Variants in PXMP2 observed in about 807,000 individuals in gnomAD.
PXMP2 encodes the protein peroxisomal membrane protein 2.
In PXMP2, 13 loss-of-function variants were observed where a neutral mutation model predicts 20.2. The observed-to-expected ratio is 0.64, with a 90% CI of 0.42 to 1.02. PXMP2 has a LOEUF of 1.02. Ranked by LOEUF, PXMP2 falls within the 50% of genes least tolerant of loss-of-function variation. The pLI is 0.00. For synonymous variants in PXMP2, 113 were observed against 111.2 expected (o/e 1.02, Z -0.10); for missense variants, 284 against 251.8 (o/e 1.13, Z -0.87).
chr12:132,698,784 G>A (rs751324501), intron 3 of PXMP2, among the ~76,000 whole-genome samples: 5 of 151,914 alleles, frequency 3.3e-5, no homozygotes, highest in African/African-American at 1.2e-4. Flanking sequence ...CCACCACCAC[G>A]CCTGGCTAAT....
At chr12:132,694,851 T>TTAGG (rs1356114352) in intron 2 of PXMP2, among the ~76,000 whole-genome samples, 3 of 141,722 alleles carry the variant, frequency 2.1e-5, no homozygotes, top group South Asian at 2.4e-4. Flanking sequence ...CCTTAGCCAG[T>TTAGG]TAGTGAGCTC....
At chr12:132,692,059 C>T (rs1183740763) in intron 2 of PXMP2, among the ~76,000 whole-genome samples, 1 of 150,170 alleles carries the variant, frequency 6.7e-6, no homozygotes, top group Non-Finnish European at 1.5e-5. Context: ...CTCCCTGAGC[C>T]AGTTAGGTAG....
intron 2 of PXMP2, among the ~76,000 whole-genome samples, chr12:132,692,637 C>T (rs544810156): frequency 7.2e-6 from 1 of 138,670 alleles, no homozygotes; most frequent in South Asian, 2.3e-4. Context: ...AGATAGTGAG[C>T]GCCCTTAGCC....
At chr12:132,703,629 G>A (rs920999562) in intron 4 of PXMP2, among the ~76,000 whole-genome samples, 1 of 152,186 alleles carries the variant, frequency 6.6e-6, no homozygotes, top group Non-Finnish European at 1.5e-5. Context: ...GGCAGAGGAA[G>A]TCAGGCGGGC....
Position 132,700,339 on chromosome 12 carries a change from G to A in PXMP2, c.400-911G>A, listed in dbSNP as rs962334498. Among the ~76,000 whole-genome samples the A allele has an allele frequency of 3.9e-5, 6 of 152,122 alleles. No homozygotes were observed. The East Asian group carries it at 5.8e-4, about 15-fold the overall frequency. The stretch of plus-strand genomic sequence containing the variant: ...TTAAATTACGGTCATGAGCCACCGC[G>A]CCTGGCCACTTGACTTTTTAATAAT... On this transcript the variant is annotated intron_variant, in intron 3 of 4. Coordinates refer to ENST00000317479, the MANE Select transcript of PXMP2 (RefSeq NM_018663.3).
chr12:132,689,438 A>C (rs1039493884), intron 1 of PXMP2, among the ~76,000 whole-genome samples: 12 of 152,124 alleles, frequency 7.9e-5, no homozygotes, highest in Admixed American at 7.2e-4. Flanking sequence ...TTTTGAAGGG[A>C]AGGCCGGCGT....
intron 4 of PXMP2, chr12:132,701,648 T>C (rs182804828): frequency 5.6e-4 from 235 of 422,000 alleles, no homozygotes; most frequent in Middle Eastern, 4.6e-3. Flanking sequence ...GTTCAGCAAA[T>C]TCTCATTAAA....
chr12:132,700,795 G>C (rs992044475), intron 3 of PXMP2, among the ~76,000 whole-genome samples: 2 of 151,270 alleles, frequency 1.3e-5, no homozygotes, highest in African/African-American at 4.9e-5. Context: ...GTCAGGTCTT[G>C]GGTTCAGGTC....
rs917595502 is a variant in PXMP2 at position 132,696,724 on chromosome 12, C to T, written c.399+678C>T. Reference sequence around the variant, plus strand: ...CTGAGGCAGGAGAATGGCGTGAACCCGGGAGGTGGAGCTTGCCGTGAGCCG... The same window carrying T: ...CTGAGGCAGGAGAATGGCGTGAACCTGGGAGGTGGAGCTTGCCGTGAGCCG... On this transcript the variant is annotated intron_variant, in intron 3 of 4. Transcript: ENST00000317479. This position sits in a 1 kb window ranked among gnomAD's most constrained non-coding sequence, Gnocchi z 4.4. Among the ~76,000 whole-genome samples, 1 of 152,154 alleles carries T rather than the reference C, an allele frequency of 6.6e-6. No individual in the cohort carries two copies. Among genetic ancestry groups the T allele is most frequent in the Admixed American group, 6.5e-5 (1 of 15,274 alleles).
chr12:132,695,312 GCCTAGTGAGTGCCCTTGCCAGTTAA>G (rs1197503799), intron 2 of PXMP2, among the ~76,000 whole-genome samples: 135 of 150,186 alleles, frequency 9.0e-4, no homozygotes, highest in African/African-American at 3.1e-3. Context: ...CAGTTTGTTA[GCCTAGTGAGTGCCCTTGCCAGTTAA>G]CCTAGTGAGT....
chr12:132,687,873 G>A, intron 1 of PXMP2, 81 bp downstream of exon 1: 1 of 1,083,262 alleles, frequency 9.2e-7, no homozygotes, highest in African/African-American at 1.7e-5. Context: ...GGAGCGCCGG[G>A]CCGGGACCAG....
intron 3 of PXMP2, among the ~76,000 whole-genome samples, chr12:132,698,679 T>C (rs1289941150): frequency 6.6e-6 from 1 of 152,110 alleles, no homozygotes; most frequent in East Asian, 1.9e-4. Flanking sequence ...CAGGCTGGAG[T>C]GTGGTGGCAC....
At chr12:132,700,848 C>CTTTT (rs544795992) in intron 3 of PXMP2, among the ~76,000 whole-genome samples, 1 of 140,068 alleles carries the variant, frequency 7.1e-6, no homozygotes, top group African/African-American at 2.7e-5. Context: ...TACTGGAGTC[C>CTTTT]TTTTTTTTTT....
chr12:132,696,731 T>C lies in PXMP2; in HGVS notation c.399+685T>C, dbSNP rs1593107415. Among the ~76,000 whole-genome samples the C allele has an allele frequency of 6.6e-6, 1 of 151,758 alleles. No homozygotes were observed. The highest frequency in any genetic ancestry group is 2.4e-5 in the African/African-American group (1 of 41,324). Reference sequence around the variant, plus strand: ...AGGAGAATGGCGTGAACCCGGGAGGTGGAGCTTGCCGTGAGCCGAGATGTC... The same window carrying C: ...AGGAGAATGGCGTGAACCCGGGAGGCGGAGCTTGCCGTGAGCCGAGATGTC... On this transcript the variant is annotated intron_variant, in intron 3 of 4. Transcript: ENST00000317479. This position sits in a 1 kb window ranked among gnomAD's most constrained non-coding sequence, Gnocchi z 4.4.
rs572311064 is a variant in PXMP2 at position 132,701,611 on chromosome 12, G to A, written c.519+242G>A. 31 of 535,244 alleles carry A rather than the reference G, an allele frequency of 5.8e-5. No individual in the cohort carries two copies. The East Asian group carries it at 6.0e-4, about 10-fold the overall frequency. The allele number at this position is 535,244 out of a possible 1,614,324, so 33.2% of individuals were successfully genotyped here. ...AGGAAGCAACAGAGAAGGGTGTCCC[G>A]AGTGGTCGTCTTTGCCTCTTCTGTT... On this transcript the variant is annotated intron_variant, in intron 4 of 4. Transcript: ENST00000317479.
At chr12:132,694,963 T>TA (rs563749654) in intron 2 of PXMP2, among the ~76,000 whole-genome samples, 1,708 of 55,680 alleles carry the variant, frequency 0.031, 32 homozygotes, top group Middle Eastern at 0.067. Context: ...TGAGCTCCCT[T>TA]GCCAGTTAGT....
At chr12:132,698,564 G>A (rs1364389635) in intron 3 of PXMP2, among the ~76,000 whole-genome samples, 2 of 152,178 alleles carry the variant, frequency 1.3e-5, no homozygotes, top group African/African-American at 4.8e-5. Context: ...GCAATCCCCA[G>A]TATTTTGAAA....
chr12:132,697,392 AT>A (rs1479203769), intron 3 of PXMP2, among the ~76,000 whole-genome samples: 1 of 109,268 alleles, frequency 9.2e-6, no homozygotes, highest in Non-Finnish European at 2.1e-5. Context: ...TTGTAGTCCT[AT>A]TTTATTTATT....
chr12:132,699,260 A>T (rs2043425846), intron 3 of PXMP2, among the ~76,000 whole-genome samples: 1 of 152,030 alleles, frequency 6.6e-6, no homozygotes, highest in African/African-American at 2.4e-5. Flanking sequence ...CTACAAAAAA[A>T]TTAAAAATCA....
Sources: gnomAD v4.1 joint callset for allele counts (sites outside exome capture counted in the v4.1 genomes callset) on GRCh38, gnomAD v4.1.1 for gene constraint, Gnocchi (gnomAD v3.1) non-coding constraint, MANE v1.5 for transcripts, NCBI Gene and HGNC (gene_info 2026-07-23, HGNC 2026-07-21) for gene names.